ANKRD28: variants seen among roughly 807,000 people sequenced by gnomAD.
The protein encoded by ANKRD28 is ankyrin repeat domain 28, also known as serine/threonine-protein phosphatase 6 regulatory ankyrin repeat subunit A.
A neutral mutation model predicts 126.5 loss-of-function variants in ANKRD28; 44 were observed. The observed-to-expected ratio is 0.35, with a 90% CI of 0.27 to 0.45. ANKRD28 has a LOEUF of 0.45. ANKRD28 is among the 20% of genes least tolerant of loss of function. The pLI is 1.00. For missense variants in ANKRD28, 1,110 were observed against 1,316.6 expected, an observed-to-expected ratio of 0.84 and a Z score of 2.43; for synonymous variants, 442 against 468.5, an observed-to-expected ratio of 0.94 and a Z score of 0.73.
intron 2 of ANKRD28, among the ~76,000 whole-genome samples, chr3:15,767,700 TAAAA>T (rs57072807): frequency 4.7e-4 from 30 of 64,320 alleles, no homozygotes; most frequent in Admixed American, 7.3e-4. Flanking sequence ...TAGTCTCTAC[TAAAA>T]AAAAAAAAAA....
At chr3:15,738,277 T>C (rs568179556) in intron 4 of ANKRD28, among the ~76,000 whole-genome samples, 102 of 152,140 alleles carry the variant, frequency 6.7e-4, no homozygotes, top group African/African-American at 2.4e-3. Context: ...AAGCTGGGTG[T>C]CTGGGGAGAC....
intron 24 of ANKRD28, among the ~76,000 whole-genome samples, 192 bp downstream of exon 24, chr3:15,678,017 G>A (rs1317411867): frequency 6.6e-6 from 1 of 152,164 alleles, no homozygotes; most frequent in Non-Finnish European, 1.5e-5. Context: ...CCATGGTAAA[G>A]TAGACTCCTC....
chr3:15,680,372 T>C (rs116411745), intron 21 of ANKRD28, among the ~76,000 whole-genome samples: 263 of 151,940 alleles, frequency 1.7e-3, no homozygotes, highest in African/African-American at 5.9e-3. Flanking sequence ...CCCAGCTAGC[T>C]TTTTTCGTAT....
At chr3:15,741,462 G>A (rs905367856) in intron 4 of ANKRD28, among the ~76,000 whole-genome samples, 1 of 151,994 alleles carries the variant, frequency 6.6e-6, no homozygotes, top group African/African-American at 2.4e-5. Flanking sequence ...CATTATTATA[G>A]TAATCTAAAT....
intron 2 of ANKRD28, among the ~76,000 whole-genome samples, chr3:15,772,781 G>C (rs577206196): frequency 1.3e-5 from 2 of 152,222 alleles, no homozygotes; most frequent in South Asian, 4.2e-4. Flanking sequence ...CCACCTCCCG[G>C]GTTCAAGCGA....
intron 1 of ANKRD28, among the ~76,000 whole-genome samples, chr3:15,851,260 C>T (rs899576498): frequency 2.6e-5 from 4 of 152,120 alleles, no homozygotes; most frequent in African/African-American, 9.6e-5. Flanking sequence ...TGACTGGGTG[C>T]AGTGGCTCAC....
Position 15,675,859 on chromosome 3 carries a change from A to G in ANKRD28, c.2965+39T>C, listed in dbSNP as rs1436054990. On this transcript the variant is annotated intron_variant, in intron 27 of 27. Coordinates refer to ENST00000683139, the MANE Select transcript of ANKRD28 (RefSeq NM_001349278.2). ...CTTCAAATATGGATCAAAAGATAAA[A>G]GCTCTAGGTTAAGGGAAGAGAATAT... The G allele has an allele frequency of 2.1e-6, 3 of 1,460,544 alleles. No homozygotes were observed. In the Admixed American group the frequency reaches 6.2e-5, roughly 30 times the overall value. 90.5% of individuals were successfully genotyped at this position (1,460,544 alleles called of 1,614,324 possible).
chr3:15,736,796 CTGTTG>C (rs550452813), intron 5 of ANKRD28, among the ~76,000 whole-genome samples: 22 of 152,268 alleles, frequency 1.4e-4, no homozygotes, highest in Middle Eastern at 3.4e-3. Context: ...CATACTTTTC[CTGTTG>C]TGTTAAGAGT....
intron 18 of ANKRD28, among the ~76,000 whole-genome samples, chr3:15,688,479 G>C (rs576625712): frequency 6.6e-6 from 1 of 152,162 alleles, no homozygotes; most frequent in Non-Finnish European, 1.5e-5. Flanking sequence ...AGCAAGTAAT[G>C]CATTTTAACC....
chr3:15,832,039 T>C (rs143516490), intron 1 of ANKRD28, among the ~76,000 whole-genome samples: 1 of 152,176 alleles, frequency 6.6e-6, no homozygotes, highest in Non-Finnish European at 1.5e-5. Context: ...AGCAATTGAG[T>C]GTCCACTATA....
intron 8 of ANKRD28, among the ~76,000 whole-genome samples, chr3:15,719,123 T>G (rs2073409467): frequency 6.6e-6 from 1 of 152,196 alleles, no homozygotes; most frequent in African/African-American, 2.4e-5. Context: ...TTAGGGCACT[T>G]TGTGACATCT....
chr3:15,744,535 T>C (rs1204939260), intron 4 of ANKRD28, among the ~76,000 whole-genome samples: 1 of 151,534 alleles, frequency 6.6e-6, no homozygotes, highest in African/African-American at 2.4e-5. Context: ...CAGGCTGGTC[T>C]TGAACTCCTG....
intron 1 of ANKRD28, among the ~76,000 whole-genome samples, chr3:15,855,639 T>G (rs893598387): frequency 6.6e-6 from 1 of 152,140 alleles, no homozygotes; most frequent in Admixed American, 6.6e-5. Flanking sequence ...GTGCACAACA[T>G]GGAAGAACCT....
chr3:15,851,929 A>C (rs1185627347), intron 1 of ANKRD28, among the ~76,000 whole-genome samples: 1 of 152,262 alleles, frequency 6.6e-6, no homozygotes, highest in Admixed American at 6.5e-5. Context: ...ATACAATGGA[A>C]TATTATTCAC....
chr3:15,725,882 A>C (rs1407994046), intron 6 of ANKRD28, among the ~76,000 whole-genome samples: 2 of 152,124 alleles, frequency 1.3e-5, no homozygotes, highest in Admixed American at 1.3e-4. Flanking sequence ...GTCTCCACTA[A>C]AAATACAAAA....
rs1047600188 is a variant in ANKRD28, at chr3:15,845,705, G to C, written c.27+13672C>G. On this transcript the variant is annotated intron_variant, in intron 1 of 27. Transcript: ENST00000399451. The surrounding 1 kb of genome is among the most constrained non-coding windows in gnomAD (Gnocchi z 4.9). ...GCTATAAATAACTACCTGAGACTGGGTAATTTACAAAGAAAAGAGGTTTAA... is the reference window on the plus strand; with the variant it reads ...GCTATAAATAACTACCTGAGACTGGCTAATTTACAAAGAAAAGAGGTTTAA... 6.6e-6 allele frequency among the ~76,000 whole-genome samples: 1 copy of C among 152,076 alleles called. No homozygotes were observed.
chr3:15,739,017 T>C (rs2125169037), intron 4 of ANKRD28, among the ~76,000 whole-genome samples: 1 of 152,342 alleles, frequency 6.6e-6, no homozygotes, highest in Non-Finnish European at 1.5e-5. Context: ...ATGGCTCTGT[T>C]CCGCCCGGCT....
upstream of ANKRD28, chr3:15,798,256 C>T: frequency 1.3e-6 from 1 of 750,298 alleles, no homozygotes; most frequent in Non-Finnish European, 1.6e-6. Context: ...AATGTTTAAC[C>T]CTATAATGAC....
At chr3:15,736,990 A>T in intron 5 of ANKRD28, 43 bp downstream of exon 5, 1 of 1,587,448 alleles carries the variant, frequency 6.3e-7, no homozygotes, top group Non-Finnish European at 8.6e-7. Flanking sequence ...TGGGGGGTGG[A>T]CAGGAGGAGA....
Sources: allele counts gnomAD v4.1 joint callset (sites outside exome capture counted in the v4.1 genomes callset), GRCh38; gene constraint gnomAD v4.1.1; non-coding constraint Gnocchi (gnomAD v3.1); transcripts MANE v1.5; gene names NCBI Gene and HGNC (gene_info 2026-07-23, HGNC 2026-07-21).